ANPEP: variants seen among roughly 807,000 people sequenced by gnomAD.
ANPEP encodes the protein aminopeptidase N.
A neutral mutation model predicts 114.6 loss-of-function variants in ANPEP; 70 were observed. The observed-to-expected ratio is 0.61, with a 90% CI of 0.50 to 0.75. ANPEP has a LOEUF of 0.75. Ranked by LOEUF, ANPEP falls within the 30% of genes least tolerant of loss-of-function variation. The probability of loss-of-function intolerance (pLI) is 0.00; values close to 1 mark genes in which losing one functional copy is unlikely to be tolerated. For missense variants in ANPEP, 1,184 were observed against 1,259.5 expected (o/e 0.94, Z 0.91); for synonymous variants, 548 against 522.3 (o/e 1.05, Z -0.67).
At chr15:89,790,308 C>T (rs1968595247) in intron 20 of ANPEP, 152 bp downstream of exon 20, 6 of 615,070 alleles carry the variant, frequency 9.8e-6, no homozygotes, top group Admixed American at 9.1e-5. Flanking sequence ...TCAACATTTC[C>T]AAAGTCTGGC....
rs1056233050 is a variant in ANPEP, at chr15:89,799,612, C to A, written c.1820-53G>T. 7.5e-6 allele frequency: 12 copies of A among 1,608,452 alleles called. No individual in the cohort carries two copies. Among genetic ancestry groups the A allele is most frequent in the Admixed American group, 3.4e-5 (2 of 59,616 alleles). ...GGCTGCTCAGAGGCCATGGGCTGAC[C>A]CCTGGACCTCTTGCAAGAGCAGCTG... On this transcript the variant is annotated intron_variant, in intron 12 of 20. Coordinates refer to ENST00000300060, the MANE Select transcript of ANPEP (RefSeq NM_001150.3). The surrounding 1 kb of genome is among the most constrained non-coding windows in gnomAD (Gnocchi z 4.2).
intron 10 of ANPEP, chr15:89,802,812 G>A (rs1894623231): frequency 4.9e-6 from 1 of 202,478 alleles, no homozygotes; most frequent in Admixed American, 5.3e-5. Context: ...GGGGCAGAGG[G>A]CAGAGTTCCT....
In ANPEP at chr15:89,801,484, G is replaced by T. The variant is rs1459779187; in HGVS notation, c.1693C>A (p.His565Asn). The change falls in exon 11 of 21, where the codon CAC (histidine) becomes AAC (asparagine). Residue 565 changes from histidine (H) to asparagine (N), a missense_variant. Physicochemically the swap from His to Asn is moderately conservative, Grantham distance 68. Transcript: ENST00000300060. ...DTSTGTLSQE[H>N]FLLDPDSNVT... is the part of the protein sequence containing the mutation. Reference sequence around the variant, plus strand: ...TTGGAATCGGGGTCAAGGAGGAAGTGCTCCTGGGAAAGGGTCCCCGTGCTG... The same window carrying T: ...TTGGAATCGGGGTCAAGGAGGAAGTTCTCCTGGGAAAGGGTCCCCGTGCTG... 6.2e-7 allele frequency: 1 copy of T among 1,614,164 alleles called. No homozygotes were observed. The highest frequency in any genetic ancestry group is 2.2e-5 in the East Asian group (1 of 44,886).
At chr15:89,801,895 G>A (rs902203933) in intron 10 of ANPEP, among the ~76,000 whole-genome samples, 1 of 152,188 alleles carries the variant, frequency 6.6e-6, no homozygotes, top group East Asian at 1.9e-4. Context: ...GGATGCCCAT[G>A]GCTCTTCCTG....
chr15:89,791,239 T>A, intron 18 of ANPEP, 146 bp from the exon 19 acceptor site: 1 of 896,438 alleles, frequency 1.1e-6, no homozygotes, highest in Non-Finnish European at 1.7e-6. Context: ...TGGTCCTTCT[T>A]CCCTCTATAG....
chr15:89,785,513 A>C lies in ANPEP; in HGVS notation c.2752-12T>G, dbSNP rs765687694. 2.5e-6 allele frequency: 4 copies of C among 1,610,226 alleles called. No individual in the cohort carries two copies. Among genetic ancestry groups the C allele is most frequent in the Middle Eastern group, 1.7e-4 (1 of 6,054 alleles). On this transcript the variant is annotated splice_polypyrimidine_tract_variant and intron_variant, in intron 20 of 20. Transcript: ENST00000300060. ...TTGAACTGCTCCAGCTGCCAGAAAA[A>C]CAAAAGATTCTCAGTCCGGCTGGGT...
intron 14 of ANPEP, among the ~76,000 whole-genome samples, chr15:89,798,138 T>C (rs1441202750): frequency 6.6e-6 from 1 of 152,252 alleles, no homozygotes; most frequent in Non-Finnish European, 1.5e-5. Context: ...TAGGCCTTTC[T>C]TCCTCCTGCC....
Position 89,814,184 on chromosome 15 carries a change from G to T in ANPEP, c.-224+588C>A, listed in dbSNP as rs368345335. Reference sequence around the variant, plus strand: ...CCATCCATGCCCCGGCATCTTGGCCGGGTTGTAGGAGCGAGGGAGAACGCG... The same window carrying T: ...CCATCCATGCCCCGGCATCTTGGCCTGGTTGTAGGAGCGAGGGAGAACGCG... On this transcript the variant is annotated intron_variant, in intron 1 of 20. Coordinates refer to ENST00000300060, the MANE Select transcript of ANPEP (RefSeq NM_001150.3). 3.9e-5 allele frequency among the ~76,000 whole-genome samples: 6 copies of T among 152,206 alleles called. No individual in the cohort carries two copies. In the South Asian group the frequency reaches 1.0e-3, roughly 26 times the overall value.
intron 3 of ANPEP, 33 bp downstream of exon 3, chr15:89,805,288 C>T (rs1480744845): frequency 3.1e-6 from 5 of 1,613,030 alleles, no homozygotes; most frequent in Non-Finnish European, 4.2e-6. Flanking sequence ...TGCCTGCCCC[C>T]TGGCCCTGTG....
rs142008329 is a variant in ANPEP at position 89,806,449 on chromosome 15, G to C, written c.135C>G (p.Pro45=). The change falls in exon 2 of 21, where the codon CCC becomes CCG. Residue 45 remains proline, a synonymous_variant. Coordinates refer to ENST00000300060, the MANE Select transcript of ANPEP (RefSeq NM_001150.3). This position sits in a 1 kb window ranked among gnomAD's most constrained non-coding sequence, Gnocchi z 5.7. ...QEKNKNANSS[P]VASTTPSASA... is the part of the protein sequence containing the mutation. ...AGGCGGACGGGGTGGTGGAGGCCAC[G>C]GGGGAGCTGTTGGCGTTCTTGTTCT... 4.4e-4 allele frequency: 703 copies of C among 1,614,090 alleles called. 3 individuals are homozygous for C. In the African/African-American group the frequency reaches 8.5e-3, roughly 20 times the overall value.
chr15:89,808,345 C>T (rs918522422), intron 1 of ANPEP, among the ~76,000 whole-genome samples: 1 of 152,222 alleles, frequency 6.6e-6, no homozygotes, highest in Non-Finnish European at 1.5e-5. Context: ...GCTCCACAGA[C>T]CTGTTCTGCA....
At chr15:89,805,287 C>T (rs368445275) in intron 3 of ANPEP, 34 bp downstream of exon 3, 19 of 1,612,972 alleles carry the variant, frequency 1.2e-5, no homozygotes, top group Admixed American at 5.0e-5. Flanking sequence ...GTGCCTGCCC[C>T]CTGGCCCTGT....
chr15:89,804,345 G>A lies in ANPEP; in HGVS notation c.1087C>T (p.Arg363Trp), dbSNP rs147069406. Residue 363 changes from arginine to tryptophan, a missense_variant, in exon 6 of 21, where the codon CGG becomes TGG. Transcript: ENST00000300060. Reference sequence around the variant, plus strand: ...GGGTCGAACAGCAGGGAGTTCTCCCGGTAGGTCACCAGTCCCCAGTTCTCC... The same window carrying A: ...GGGTCGAACAGCAGGGAGTTCTCCCAGTAGGTCACCAGTCCCCAGTTCTCC... Reference protein sequence around the residue: ...AMENWGLVTYRENSLLFDPLS... With the variant: ...AMENWGLVTYWENSLLFDPLS... The A allele has an allele frequency of 1.1e-4, 175 of 1,614,080 alleles. No homozygotes were observed. Among genetic ancestry groups the A allele is most frequent in the Non-Finnish European group, 1.4e-4 (168 of 1,180,044 alleles).
chr15:89,806,229 C>G lies in ANPEP; in HGVS notation c.355G>C (p.Val119Leu). Residue 119 changes from valine (V) to leucine (L), a missense_variant, in exon 2 of 21, where the codon GTC (valine) becomes CTC (leucine). Transcript: ENST00000300060. The surrounding 1 kb of genome is among the most constrained non-coding windows in gnomAD (Gnocchi z 5.7). Reference protein sequence around the residue: ...VRFTCKEATDVIIIHSKKLNY... With the variant: ...VRFTCKEATDLIIIHSKKLNY... ...AGCTTCTTGCTGTGGATGATGATGACGTCAGTGGCCTCCTTGCAGGTGAAA... is the reference window on the plus strand; with the variant it reads ...AGCTTCTTGCTGTGGATGATGATGAGGTCAGTGGCCTCCTTGCAGGTGAAA... The G allele has an allele frequency of 1.9e-6, 3 of 1,614,116 alleles. No individual in the cohort carries two copies. The highest frequency in any genetic ancestry group is 2.5e-6 in the Non-Finnish European group (3 of 1,179,996).
At position 89,805,236 on chromosome 15, in the gene ANPEP, T is replaced by G; in HGVS notation, c.758-19A>C. 6.2e-7 allele frequency: 1 copy of G among 1,614,108 alleles called. No homozygotes were observed. Among genetic ancestry groups the G allele is most frequent in the Non-Finnish European group, 8.5e-7 (1 of 1,179,976 alleles). On this transcript the variant is annotated intron_variant, in intron 3 of 20. Transcript: ENST00000300060. The stretch of plus-strand genomic sequence containing the variant: ...CTGGGACCTGGGCAGGGAGCATGTG[T>G]GTGTGAGGACGTACCCTCCTGCCCC...
In ANPEP at chr15:89,803,329, G is replaced by C. The variant is rs371733158; in HGVS notation, c.1504-25C>G. ...ACTGTGGAAAGACGGGGCACAGTGA[G>C]AGCACAGCTGGAGCCCCCCAGGCTC... On this transcript the variant is annotated intron_variant, in intron 9 of 20. Transcript: ENST00000300060. This position sits in a 1 kb window ranked among gnomAD's most constrained non-coding sequence, Gnocchi z 4.2. The C allele has an allele frequency of 8.1e-6, 13 of 1,613,812 alleles. No homozygotes were observed. In the African/African-American group the frequency reaches 1.7e-4, roughly 22 times the overall value.
At chr15:89,801,231 C>A (rs1894582418) in intron 11 of ANPEP, 44 bp from the exon 12 acceptor site, 1 of 1,605,698 alleles carries the variant, frequency 6.2e-7, no homozygotes, top group South Asian at 1.1e-5. Flanking sequence ...GCGGTGTGGT[C>A]ACTGCCAGTG....
chr15:89,800,054 G>T lies in ANPEP; in HGVS notation c.1820-495C>A, dbSNP rs76337333. Reference sequence around the variant, plus strand: ...CTTTGTTTCAGCAGCCAGAGGTCAGGGCCAATAGGTTGCTCATTTCCCACC... The same window carrying T: ...CTTTGTTTCAGCAGCCAGAGGTCAGTGCCAATAGGTTGCTCATTTCCCACC... On this transcript the variant is annotated intron_variant, in intron 12 of 20. Transcript: ENST00000300060. Among the ~76,000 whole-genome samples, 1,051 of 152,114 alleles carry T rather than the reference G, an allele frequency of 6.9e-3. 9 individuals carry two copies. The highest frequency in any genetic ancestry group is 0.024 in the African/African-American group (1,007 of 41,462).
rs767290795 is a variant in ANPEP at position 89,792,554 on chromosome 15, T to C, written c.2258A>G (p.Glu753Gly). Residue 753 changes from glutamate (E) to glycine (G), a missense_variant, in exon 17 of 21, where the codon GAG (glutamate) becomes GGG (glycine). Transcript: ENST00000300060. ...GCAGGCGGTGCTGATGGCATTAACC[T>C]CGCTGTACCTGCCCCAGGGGTGACA... ...IPENLMDQYS[E>G]VNAISTACSN... is the part of the protein sequence containing the mutation. The C allele has an allele frequency of 6.2e-7, 1 of 1,613,998 alleles. No individual in the cohort carries two copies. Among genetic ancestry groups the C allele is most frequent in the East Asian group, 2.2e-5 (1 of 44,864 alleles).
Sources: allele counts gnomAD v4.1 joint callset (sites outside exome capture counted in the v4.1 genomes callset), GRCh38; gene constraint gnomAD v4.1.1; non-coding constraint Gnocchi (gnomAD v3.1); transcripts MANE v1.5; gene names NCBI Gene and HGNC (gene_info 2026-07-23, HGNC 2026-07-21).